The following DCC variants were observed in gnomAD, a reference collection of about 807,000 sequenced individuals.
DCC encodes netrin receptor DCC.
Under a neutral mutation model 172.5 loss-of-function variants are expected in DCC, and 58 were observed. The ratio of observed to expected loss-of-function variants is 0.34; its 90% CI spans 0.27 to 0.42. The LOEUF (loss-of-function observed/expected upper bound fraction) is 0.42, where lower values mean the gene tolerates loss of function less well. DCC is among the 10% of genes least tolerant of loss of function. The pLI is 1.00. For missense variants in DCC, 1,740 were observed against 1,791.0 expected, an observed-to-expected ratio of 0.97 and a Z score of 0.51; for synonymous variants, 709 against 644.5, an observed-to-expected ratio of 1.10 and a Z score of -1.52.
intron 19 of DCC, 79 bp downstream of exon 19, chr18:53,402,972 C>T: frequency 3.0e-6 from 3 of 993,236 alleles, no homozygotes; most frequent in Non-Finnish European, 3.3e-6. Context: ...GCTGCTCCTG[C>T]CTTTCGTGTG....
intron 28 of DCC, chr18:53,526,965 G>C: frequency 3.4e-6 from 2 of 585,090 alleles, no homozygotes; most frequent in Non-Finnish European, 6.0e-6. Flanking sequence ...CAGAGACTTA[G>C]TTATGTAAAA....
intron 8 of DCC, among the ~76,000 whole-genome samples, chr18:53,177,294 A>G (rs1021441206): frequency 9.2e-5 from 14 of 152,232 alleles, no homozygotes; most frequent in African/African-American, 3.4e-4. Context: ...ACTAACCTGC[A>G]CAATGTGCAC....
chr18:53,021,247 G>A (rs1384844492), intron 5 of DCC, among the ~76,000 whole-genome samples: 1 of 152,172 alleles, frequency 6.6e-6, no homozygotes, highest in Non-Finnish European at 1.5e-5. Flanking sequence ...TGGCTTGTAG[G>A]TCAGTGTTCT....
rs556935363 is a variant in DCC, at chr18:52,714,855, A to G, written c.92-37199A>G. Among the ~76,000 whole-genome samples the G allele has an allele frequency of 2.0e-5, 3 of 152,318 alleles. No individual in the cohort carries two copies. In the East Asian group the frequency reaches 5.8e-4, roughly 29 times the overall value. Reference sequence around the variant, plus strand: ...ACGGATATAAAAGATGTTGTCTTTGATAGTCAAAATGAACTTACTAATTTG... The same window carrying G: ...ACGGATATAAAAGATGTTGTCTTTGGTAGTCAAAATGAACTTACTAATTTG... On this transcript the variant is annotated intron_variant, in intron 1 of 28. Transcript: ENST00000442544.
intron 1 of DCC, among the ~76,000 whole-genome samples, chr18:52,525,793 C>G (rs2031963850): frequency 6.6e-6 from 1 of 152,070 alleles, no homozygotes; most frequent in African/African-American, 2.4e-5. Context: ...GACAGAAAGA[C>G]AAAGTAATTT....
intron 5 of DCC, among the ~76,000 whole-genome samples, chr18:52,944,918 G>C (rs749278162): frequency 1.3e-5 from 2 of 152,112 alleles, no homozygotes; most frequent in Non-Finnish European, 2.9e-5. Flanking sequence ...ATTTTAGTCT[G>C]TTTATGAAGG....
intron 1 of DCC, among the ~76,000 whole-genome samples, chr18:52,748,960 G>T (rs1293520918): frequency 6.6e-6 from 1 of 152,218 alleles, no homozygotes; most frequent in Non-Finnish European, 1.5e-5. Context: ...ACTTCGGGAG[G>T]CTGAGGCAGG....
chr18:53,297,151 A>T (rs2057077256), intron 12 of DCC, among the ~76,000 whole-genome samples: 1 of 152,214 alleles, frequency 6.6e-6, no homozygotes. Flanking sequence ...CTGTTTCCTC[A>T]CTTACTACTC....
intron 2 of DCC, among the ~76,000 whole-genome samples, chr18:52,835,524 G>A (rs1012649376): frequency 6.6e-6 from 1 of 152,108 alleles, no homozygotes; most frequent in Non-Finnish European, 1.5e-5. Flanking sequence ...GACAGATTTT[G>A]TTTTGATTTT....
chr18:53,425,104 C>T (rs1358696702), intron 21 of DCC, among the ~76,000 whole-genome samples: 3 of 151,662 alleles, frequency 2.0e-5, no homozygotes, highest in Non-Finnish European at 2.9e-5. Context: ...ATTTTCTTGG[C>T]CTTTTTTTTT....
At chr18:52,736,547 A>G (rs545215828) in intron 1 of DCC, among the ~76,000 whole-genome samples, 50 of 152,256 alleles carry the variant, frequency 3.3e-4, no homozygotes, top group African/African-American at 1.1e-3. Context: ...AACTGCAGAG[A>G]AAAAAAGTTG....
At chr18:52,909,271 T>C (rs1302693967) in intron 3 of DCC, among the ~76,000 whole-genome samples, 1 of 152,158 alleles carries the variant, frequency 6.6e-6, no homozygotes, top group African/African-American at 2.4e-5. Flanking sequence ...AATACATACA[T>C]GCACATATAC....
At chr18:52,344,310 A>G (rs1983788054) in intron 1 of DCC, among the ~76,000 whole-genome samples, 1 of 152,204 alleles carries the variant, frequency 6.6e-6, no homozygotes, top group Non-Finnish European at 1.5e-5. Context: ...TCCTAAACCA[A>G]TGGGAAGCTT....
intron 1 of DCC, among the ~76,000 whole-genome samples, chr18:52,535,187 A>G (rs1598894749): frequency 2.0e-5 from 3 of 152,320 alleles, no homozygotes; most frequent in South Asian, 2.1e-4. Flanking sequence ...GTAATCATAC[A>G]TCACTTTCCA....
At chr18:52,893,256 T>C (rs1201429283) in intron 2 of DCC, among the ~76,000 whole-genome samples, 1 of 152,058 alleles carries the variant, frequency 6.6e-6, no homozygotes, top group African/African-American at 2.4e-5. Flanking sequence ...GAGAAGAGGG[T>C]AGTCCTATGA....
chr18:52,677,019 C>A (rs2035656943), intron 1 of DCC, among the ~76,000 whole-genome samples: 1 of 152,022 alleles, frequency 6.6e-6, no homozygotes, highest in East Asian at 1.9e-4. Flanking sequence ...CATAATAAAT[C>A]CTCTAATAGT....
chr18:52,476,660 G>T (rs1989103190), intron 1 of DCC, among the ~76,000 whole-genome samples: 1 of 152,132 alleles, frequency 6.6e-6, no homozygotes, highest in Non-Finnish European at 1.5e-5. Flanking sequence ...TTAGTCCGGG[G>T]TCTGGTTCTA....
intron 9 of DCC, among the ~76,000 whole-genome samples, chr18:53,179,726 T>C (rs1053662954): frequency 2.0e-5 from 3 of 152,174 alleles, no homozygotes; most frequent in African/African-American, 7.2e-5. Context: ...GATTTCAACT[T>C]TGATAAAGGA....
chr18:53,447,397 T>G (rs1252281886), intron 22 of DCC, among the ~76,000 whole-genome samples: 1 of 152,182 alleles, frequency 6.6e-6, no homozygotes, highest in Non-Finnish European at 1.5e-5. Context: ...CATAAAGGCC[T>G]GCAGTCAAAG....
Sources: gnomAD v4.1 joint callset for allele counts (sites outside exome capture counted in the v4.1 genomes callset) on GRCh38, gnomAD v4.1.1 for gene constraint, MANE v1.5 for transcripts, NCBI Gene and HGNC (gene_info 2026-07-23, HGNC 2026-07-21) for gene names.